The following IQGAP2 variants were observed in gnomAD, a reference collection of about 807,000 sequenced individuals.
IQGAP2 encodes IQ motif containing GTPase activating protein 2, also known as ras GTPase-activating-like protein IQGAP2.
A neutral mutation model predicts 201.3 loss-of-function variants in IQGAP2; 173 were observed. The observed-to-expected ratio is 0.86, with a 90% CI of 0.76 to 0.98. The LOEUF (loss-of-function observed/expected upper bound fraction) is 0.98. Among genes scored for constraint, IQGAP2 ranks in the 50% least tolerant of loss-of-function variants. The pLI, the probability that IQGAP2 is intolerant of heterozygous loss-of-function variation, is 0.00. For missense variants in IQGAP2, 1,687 were observed against 1,864.8 expected (o/e 0.90, Z 1.76); for synonymous variants, 675 against 673.9 (o/e 1.00, Z -0.03).
intron 10 of IQGAP2, 36 bp from the exon 11 acceptor site, chr5:76,600,776 T>C: frequency 2.5e-6 from 4 of 1,610,858 alleles, no homozygotes; most frequent in Non-Finnish European, 3.4e-6. Flanking sequence ...AGGTGTGTTG[T>C]GTGGGGAGCT....
chr5:76,548,740 C>T (rs1743251945), intron 2 of IQGAP2, among the ~76,000 whole-genome samples: 2 of 152,204 alleles, frequency 1.3e-5, no homozygotes, highest in African/African-American at 2.4e-5. Flanking sequence ...AAGTGCTAGT[C>T]CATGTGCTAA....
rs76397986 is a variant in IQGAP2, at chr5:76,596,238, A to G, written c.908-1201A>G. Among the ~76,000 whole-genome samples the G allele has an allele frequency of 5.2e-3, 795 of 152,338 alleles. 4 individuals carry two copies. Among genetic ancestry groups the G allele is most frequent in the East Asian group, 0.016 (82 of 5,188 alleles). On this transcript the variant is annotated intron_variant, in intron 9 of 35. Coordinates refer to ENST00000274364, the MANE Select transcript of IQGAP2 (RefSeq NM_006633.5). ...TGCAATCTAGTCACGAATTAGGCAG[A>G]CAGGCTAACCCTTGAAAGGCTCTAA...
At chr5:76,677,130 T>G in intron 27 of IQGAP2, 88 bp from the exon 28 acceptor site, 1 of 1,298,240 alleles carries the variant, frequency 7.7e-7, no homozygotes, top group Non-Finnish European at 1.1e-6. Flanking sequence ...AAAGTACATG[T>G]CATCATTCAA....
chr5:76,679,770 G>T (rs573685380), intron 28 of IQGAP2, among the ~76,000 whole-genome samples: 43 of 152,124 alleles, frequency 2.8e-4, no homozygotes, highest in African/African-American at 1.0e-3. Flanking sequence ...GATTTTGCCC[G>T]GTCTTTGTAT....
chr5:76,500,945 A>C (rs937564273), intron 2 of IQGAP2, among the ~76,000 whole-genome samples: 3 of 152,182 alleles, frequency 2.0e-5, no homozygotes, highest in African/African-American at 7.2e-5. Flanking sequence ...AGAGTATGCC[A>C]AAGGACTGAG....
At chr5:76,584,667 G>C (rs1166264198) in intron 5 of IQGAP2, among the ~76,000 whole-genome samples, 3 of 152,160 alleles carry the variant, frequency 2.0e-5, no homozygotes, top group Non-Finnish European at 2.9e-5. Context: ...AGAAGGAACA[G>C]AGAGTCCCCA....
intron 35 of IQGAP2, among the ~76,000 whole-genome samples, chr5:76,704,888 A>G (rs1367732272): frequency 6.6e-6 from 1 of 152,202 alleles, no homozygotes; most frequent in Admixed American, 6.5e-5. Flanking sequence ...CCAAAGTTTG[A>G]AAGGACTAAA....
At chr5:76,429,694 G>T (rs1408130967) in intron 1 of IQGAP2, among the ~76,000 whole-genome samples, 4 of 149,640 alleles carry the variant, frequency 2.7e-5, no homozygotes, top group Admixed American at 6.7e-5. Flanking sequence ...TTGATGAAGG[G>T]TGTTAAAGTA....
intron 2 of IQGAP2, among the ~76,000 whole-genome samples, chr5:76,480,768 T>C (rs1345817981): frequency 1.3e-5 from 2 of 152,170 alleles, no homozygotes; most frequent in Non-Finnish European, 2.9e-5. Context: ...ACTGAGGATG[T>C]GAGAGAATTT....
At chr5:76,637,283 GAA>G in intron 16 of IQGAP2, 107 bp downstream of exon 16, 1 of 874,274 alleles carries the variant, frequency 1.1e-6, no homozygotes, top group Non-Finnish European at 1.7e-6. Context: ...TGATTTATCT[GAA>G]GTCTGGATAT....
intron 28 of IQGAP2, among the ~76,000 whole-genome samples, chr5:76,680,021 T>C (rs900531548): frequency 6.6e-6 from 1 of 152,218 alleles, no homozygotes; most frequent in Non-Finnish European, 1.5e-5. Context: ...CAACTCTCCA[T>C]GTGTCAGGGA....
At chr5:76,496,779 T>TTTTCTTTGTTTCTCTTTCTTTCTTTC (rs1561416748) in intron 2 of IQGAP2, among the ~76,000 whole-genome samples, 16 of 97,576 alleles carry the variant, frequency 1.6e-4, no homozygotes, top group African/African-American at 8.5e-4. Flanking sequence ...CTTTCTTTCT[T>TTTTCTTTGTTTCTCTTTCTTTCTTTC]TCTTTCTTTC....
intron 5 of IQGAP2, among the ~76,000 whole-genome samples, chr5:76,583,999 A>C (rs572852279): frequency 2.0e-5 from 3 of 152,070 alleles, no homozygotes; most frequent in Admixed American, 6.5e-5. Context: ...CAGCCTCCCT[A>C]GTAGCTGGGA....
At chr5:76,437,366 A>C (rs1009987669) in intron 1 of IQGAP2, among the ~76,000 whole-genome samples, 1 of 152,114 alleles carries the variant, frequency 6.6e-6, no homozygotes, top group Non-Finnish European at 1.5e-5. Flanking sequence ...CTTTTTAAAA[A>C]ATTTTTATTT....
At chr5:76,434,867 A>G (rs1488214078) in intron 1 of IQGAP2, among the ~76,000 whole-genome samples, 2 of 42,138 alleles carry the variant, frequency 4.7e-5, no homozygotes, top group Non-Finnish European at 7.2e-5. Flanking sequence ...AACAACATCT[A>G]TTGTTTTTTG....
chr5:76,586,333 A>C (rs371277648), intron 5 of IQGAP2, among the ~76,000 whole-genome samples: 1 of 151,980 alleles, frequency 6.6e-6, no homozygotes, highest in Non-Finnish European at 1.5e-5. Flanking sequence ...ATTAAAACTA[A>C]TGTTACACAT....
Position 76,637,051 on chromosome 5 carries a change from T to A in IQGAP2, c.1798T>A (p.Trp600Arg), listed in dbSNP as rs746075906. The A allele has an allele frequency of 6.2e-7, 1 of 1,609,396 alleles. No homozygotes were observed. Among genetic ancestry groups the A allele is most frequent in the East Asian group, 2.2e-5 (1 of 44,714 alleles). Residue 600 changes from tryptophan (W) to arginine (R), a missense_variant, in exon 16 of 36, where the codon TGG (tryptophan) becomes AGG (arginine). Coordinates refer to ENST00000274364, the MANE Select transcript of IQGAP2 (RefSeq NM_006633.5). ...KSERVSSDGS[W>R]LKLNLHKKYD... ...TTCTTTAGTGTCTAGTGACGGTTCA[T>A]GGCTCAAACTCAACCTGCACAAAAA...
chr5:76,447,154 TGA>T (rs1753438060), intron 1 of IQGAP2, among the ~76,000 whole-genome samples: 1 of 152,152 alleles, frequency 6.6e-6, no homozygotes, highest in South Asian at 2.1e-4. Context: ...GAGCAGGGAC[TGA>T]GAGACAGGAC....
intron 2 of IQGAP2, among the ~76,000 whole-genome samples, chr5:76,481,187 C>T (rs761820957): frequency 1.3e-5 from 2 of 152,002 alleles, no homozygotes; most frequent in Non-Finnish European, 2.9e-5. Context: ...TAGCAGCAGC[C>T]TTATATGGGA....
Sources: gnomAD v4.1 joint callset for allele counts (sites outside exome capture counted in the v4.1 genomes callset) on GRCh38, gnomAD v4.1.1 for gene constraint, MANE v1.5 for transcripts, NCBI Gene and HGNC (gene_info 2026-07-23, HGNC 2026-07-21) for gene names.